Variants in PPFIA2 observed in about 807,000 individuals in gnomAD.
PPFIA2 encodes liprin-alpha-2.
In PPFIA2, 46 loss-of-function variants were observed where a neutral mutation model predicts 175.5. The observed-to-expected ratio is 0.26, with a 90% CI of 0.21 to 0.34. PPFIA2 has a LOEUF of 0.34. Among genes scored for constraint, PPFIA2 ranks in the 10% least tolerant of loss-of-function variants. The pLI, the probability that PPFIA2 is intolerant of heterozygous loss-of-function variation, is 1.00. For synonymous variants in PPFIA2, 568 were observed against 511.4 expected, an observed-to-expected ratio of 1.11 and a Z score of -1.49; for missense variants, 1,179 against 1,506.1, an observed-to-expected ratio of 0.78 and a Z score of 3.60.
intron 4 of PPFIA2, among the ~76,000 whole-genome samples, chr12:81,540,780 T>G (rs1594719629): frequency 6.6e-6 from 1 of 152,128 alleles, no homozygotes; most frequent in Non-Finnish European, 1.5e-5. Context: ...TATTTTGGCC[T>G]ATTTAAATGA....
intron 4 of PPFIA2, among the ~76,000 whole-genome samples, chr12:81,623,520 T>A (rs1368338781): frequency 1.3e-5 from 2 of 152,000 alleles, no homozygotes; most frequent in East Asian, 1.9e-4. Context: ...TTTACAAATA[T>A]AAGCAGTTAA....
chr12:81,570,847 T>A (rs1266744027), intron 4 of PPFIA2, among the ~76,000 whole-genome samples: 1 of 151,872 alleles, frequency 6.6e-6, no homozygotes, highest in Non-Finnish European at 1.5e-5. Flanking sequence ...CATCCCATCA[T>A]AGAAAGCCGG....
At chr12:81,366,275 C>A (rs187185062) in intron 14 of PPFIA2, among the ~76,000 whole-genome samples, 1 of 151,574 alleles carries the variant, frequency 6.6e-6, no homozygotes, top group Non-Finnish European at 1.5e-5. Flanking sequence ...TAGCAATTAC[C>A]ATTAAAATTT....
At chr12:81,420,640 A>G (rs1592711837) in intron 7 of PPFIA2, among the ~76,000 whole-genome samples, 2 of 152,180 alleles carry the variant, frequency 1.3e-5, no homozygotes, top group East Asian at 1.9e-4. Context: ...GAAAAATGAA[A>G]AAAAGGGAAG....
chr12:81,495,705 C>T (rs2059958098), intron 4 of PPFIA2, among the ~76,000 whole-genome samples: 1 of 152,114 alleles, frequency 6.6e-6, no homozygotes, highest in African/African-American at 2.4e-5. Context: ...GTCCCAGCTA[C>T]TCAGGAACCT....
At chr12:81,320,330 T>G (rs988663123) in intron 22 of PPFIA2, among the ~76,000 whole-genome samples, 6 of 151,958 alleles carry the variant, frequency 3.9e-5, no homozygotes, top group Admixed American at 2.0e-4. Flanking sequence ...ACATAAAGAT[T>G]TATTGGTAGT....
At chr12:81,360,345 C>T (rs1156417751) in intron 15 of PPFIA2, among the ~76,000 whole-genome samples, 4 of 151,880 alleles carry the variant, frequency 2.6e-5, no homozygotes, top group Non-Finnish European at 5.9e-5. Flanking sequence ...GTAGCTTCTC[C>T]TCCTGAATCT....
chr12:81,384,200 T>C lies in PPFIA2; in HGVS notation c.807A>G (p.Gln269=), dbSNP rs569172574. 9 of 1,606,462 alleles carry C rather than the reference T, an allele frequency of 5.6e-6. No individual in the cohort carries two copies. The African/African-American group carries it at 1.2e-4, about 21-fold the overall frequency. The change falls in exon 9 of 33, where the codon CAA becomes CAG. Residue 269 remains glutamine, a synonymous_variant. Transcript: ENST00000549396. ...CAAGCAATTCTTGTAGTTCAACTAT[T>C]TGACTAGTTTCATCGGTTGAGTCTA... ...GSIDSTDETS[Q]IVELQELLEK...
At chr12:81,368,684 T>C (rs980946893) in intron 13 of PPFIA2, 41 bp downstream of exon 13, 2 of 1,573,010 alleles carry the variant, frequency 1.3e-6, no homozygotes, top group Non-Finnish European at 1.7e-6. Context: ...AACATGAGCA[T>C]TGCAAAATAT....
intron 8 of PPFIA2, among the ~76,000 whole-genome samples, chr12:81,393,775 G>A (rs2040584549): frequency 1.3e-5 from 2 of 152,062 alleles, no homozygotes; most frequent in African/African-American, 4.8e-5. Context: ...TTCTGGCATG[G>A]AATCTGAAAG....
At chr12:81,415,213 ATATATATATATATATAT>A (rs2044952040) in intron 7 of PPFIA2, among the ~76,000 whole-genome samples, 5 of 20,470 alleles carry the variant, frequency 2.4e-4, no homozygotes, top group Non-Finnish European at 4.7e-4. Context: ...AAAAAAAAAT[ATATATATATATATATAT>A]ATATATATAT....
chr12:81,502,119 T>G (rs1360545641), intron 4 of PPFIA2, among the ~76,000 whole-genome samples: 1 of 152,166 alleles, frequency 6.6e-6, no homozygotes, highest in Non-Finnish European at 1.5e-5. Context: ...TTTCTCATTA[T>G]GAGAAGATCA....
intron 4 of PPFIA2, among the ~76,000 whole-genome samples, chr12:81,653,067 C>T (rs2067253247): frequency 6.6e-6 from 1 of 152,122 alleles, no homozygotes; most frequent in South Asian, 2.1e-4. Flanking sequence ...AAACCAAACT[C>T]CCACCACTTA....
intron 13 of PPFIA2, among the ~76,000 whole-genome samples, chr12:81,367,881 G>C (rs141061108): frequency 5.4e-4 from 82 of 151,758 alleles, no homozygotes; most frequent in African/African-American, 1.9e-3. Context: ...ATTAAACTAA[G>C]AGTGTAGTAA....
intron 4 of PPFIA2, among the ~76,000 whole-genome samples, chr12:81,459,763 A>G (rs2054202606): frequency 1.3e-5 from 2 of 152,230 alleles, no homozygotes; most frequent in South Asian, 4.1e-4. Flanking sequence ...TAGTGACTCC[A>G]TGTATTAAGA....
chr12:81,742,318 A>G (rs548381183), intron 3 of PPFIA2, among the ~76,000 whole-genome samples: 302 of 152,314 alleles, frequency 2.0e-3, no homozygotes, highest in Non-Finnish European at 3.5e-3. Context: ...CTACAAGGAC[A>G]CAAGCAAGGA....
At chr12:81,330,988 A>G (rs1381679950) in intron 21 of PPFIA2, among the ~76,000 whole-genome samples, 12 of 152,224 alleles carry the variant, frequency 7.9e-5, no homozygotes, top group Non-Finnish European at 8.8e-5. Context: ...AGCATGAGTC[A>G]TTTCTAATGG....
Position 81,321,239 on chromosome 12 carries a change from T to A in PPFIA2, c.2642+4538A>T, listed in dbSNP as rs117644597. Among the ~76,000 whole-genome samples, 839 of 152,190 alleles carry A rather than the reference T, an allele frequency of 5.5e-3. 2 individuals carry two copies. The highest frequency in any genetic ancestry group is 0.017 in the Middle Eastern group (5 of 294). On this transcript the variant is annotated intron_variant, in intron 22 of 32. Transcript: ENST00000549396. ...ATCAACTGATGTTAGGTGTGACACA[T>A]ATTTTCAGGTCTCTAATGACTTAAG...
At chr12:81,567,403 C>T (rs538092162) in intron 4 of PPFIA2, among the ~76,000 whole-genome samples, 36 of 152,202 alleles carry the variant, frequency 2.4e-4, no homozygotes, top group African/African-American at 8.4e-4. Flanking sequence ...TTATTAATAC[C>T]TGATTTTGTG....
Sources: gnomAD v4.1 joint callset for allele counts (sites outside exome capture counted in the v4.1 genomes callset) on GRCh38, gnomAD v4.1.1 for gene constraint, MANE v1.5 for transcripts, NCBI Gene and HGNC (gene_info 2026-07-23, HGNC 2026-07-21) for gene names.